The following NEDD4 variants were observed in gnomAD, a reference collection of about 807,000 sequenced individuals.
NEDD4 encodes the protein E3 ubiquitin-protein ligase NEDD4.
Under a neutral mutation model 144.9 loss-of-function variants are expected in NEDD4, and 99 were observed. The ratio of observed to expected loss-of-function variants is 0.68; its 90% CI spans 0.58 to 0.81. The LOEUF is 0.81. Among genes scored for constraint, NEDD4 ranks in the 30% least tolerant of loss-of-function variants. NEDD4 has a pLI of 0.00. For missense variants in NEDD4, 985 were observed against 1,065.9 expected, an observed-to-expected ratio of 0.92 and a Z score of 1.06; for synonymous variants, 318 against 350.6, an observed-to-expected ratio of 0.91 and a Z score of 1.04.
intron 5 of NEDD4, among the ~76,000 whole-genome samples, chr15:55,899,422 A>G (rs1322194631): frequency 6.6e-6 from 1 of 152,196 alleles, no homozygotes; most frequent in East Asian, 1.9e-4. Flanking sequence ...CCAGGGTTGA[A>G]AACTCATATG....
chr15:55,903,563 G>T (rs1401319970), intron 5 of NEDD4, among the ~76,000 whole-genome samples: 1 of 152,108 alleles, frequency 6.6e-6, no homozygotes, highest in African/African-American at 2.4e-5. Context: ...GGTGGCTCAC[G>T]CCTGTAATCC....
In NEDD4 at chr15:55,869,889, A is replaced by AAATC. The variant is rs146081341; in HGVS notation, c.405-209_405-208insGATT. ...TAAATAAATAAATAAATAAATAAATAAATAATTGTTATGACACAAAGAAGA... is the reference window on the plus strand; with the variant it reads ...TAAATAAATAAATAAATAAATAAATAAATCAATAATTGTTATGACACAAAGAAGA... On this transcript the variant is annotated intron_variant, in intron 7 of 28. Transcript: ENST00000435532. 2.0e-3 allele frequency among the ~76,000 whole-genome samples: 300 copies of AAATC among 149,974 alleles called. 1 individual carries two copies. The highest frequency in any genetic ancestry group is 2.8e-3 in the Non-Finnish European group (187 of 67,470).
chr15:55,830,652 T>C, intron 27 of NEDD4, 66 bp from the exon 28 acceptor site: 1 of 1,336,194 alleles, frequency 7.5e-7, no homozygotes, highest in Non-Finnish European at 1.1e-6. Context: ...ATCAAAACTT[T>C]TTCTAGTGTA....
At chr15:55,846,078 C>T (rs1406862061) in intron 18 of NEDD4, among the ~76,000 whole-genome samples, 2 of 152,036 alleles carry the variant, frequency 1.3e-5, no homozygotes, top group African/African-American at 4.8e-5. Flanking sequence ...TGAGCTACTG[C>T]ACCTGGCCCA....
rs1194112559 is a variant in NEDD4 at position 55,982,004 on chromosome 15, C to A, written c.45+11507G>T. ...ATCACTACTTTTAAGTGTGATAACA[C>A]CATATCTGTTTTTTATACACAAAGT... is the stretch of plus-strand genomic sequence containing the variant. On this transcript the variant is annotated intron_variant, in intron 1 of 28. Coordinates refer to ENST00000435532, the MANE Select transcript of NEDD4 (RefSeq NM_006154.4). Among the ~76,000 whole-genome samples, 21 of 152,146 alleles carry A rather than the reference C, an allele frequency of 1.4e-4. 1 individual carries two copies. The highest frequency in any genetic ancestry group is 3.4e-4 in the African/African-American group (14 of 41,436).
rs775523665 is a variant in NEDD4 at position 55,955,167 on chromosome 15, G to A, written c.120-3578C>T. 4.6e-5 allele frequency among the ~76,000 whole-genome samples: 7 copies of A among 152,064 alleles called. No individual in the cohort carries two copies. The East Asian group carries it at 5.8e-4, about 13-fold the overall frequency. On this transcript the variant is annotated intron_variant, in intron 2 of 28. Transcript: ENST00000435532. ...CTCCCAAGTAGCGGGGACTACAGGC[G>A]CACACCACCATGCCTGACTAATTGT...
At chr15:55,836,810 G>A (rs1419744288) in intron 24 of NEDD4, among the ~76,000 whole-genome samples, 1 of 151,958 alleles carries the variant, frequency 6.6e-6, no homozygotes, top group Non-Finnish European at 1.5e-5. Flanking sequence ...TCACAGGAAT[G>A]AGCCACCGCG....
chr15:55,926,889 A>T (rs2036678305), intron 4 of NEDD4, among the ~76,000 whole-genome samples: 1 of 152,052 alleles, frequency 6.6e-6, no homozygotes, highest in Non-Finnish European at 1.5e-5. Flanking sequence ...CAGCCTGGCC[A>T]ACAGGGTGAA....
rs1294651064 is a variant in NEDD4, at chr15:55,840,509, T to C, written c.1969A>G (p.Ile657Val). 1 of 1,613,890 alleles carries C rather than the reference T, an allele frequency of 6.2e-7. No individual in the cohort carries two copies. Among genetic ancestry groups the C allele is most frequent in the Non-Finnish European group, 8.5e-7 (1 of 1,179,924 alleles). ...YHGKLLDGFF[I>V]RPFYKMMLHK... ...AGCATCATCTTGTAAAATGGGCGGA[T>C]GAAAAAACCTTGCAAAAAACCAAAT... The change falls in exon 21 of 29, where the codon ATC (isoleucine) becomes GTC (valine). Residue 657 changes from isoleucine to valine, a missense_variant. Coordinates refer to ENST00000435532, the MANE Select transcript of NEDD4 (RefSeq NM_006154.4).
At chr15:55,909,602 G>A (rs1415294702) in intron 5 of NEDD4, among the ~76,000 whole-genome samples, 2 of 151,902 alleles carry the variant, frequency 1.3e-5, no homozygotes, top group South Asian at 2.1e-4. Context: ...TCAACACATC[G>A]CCTGGCCTCA....
chr15:55,896,688 T>C (rs1460476720), intron 5 of NEDD4, among the ~76,000 whole-genome samples: 1 of 152,180 alleles, frequency 6.6e-6, no homozygotes, highest in Non-Finnish European at 1.5e-5. Context: ...AGGGTATTTC[T>C]GGTATCATGG....
At chr15:55,936,594 A>G (rs2036893777) in intron 4 of NEDD4, among the ~76,000 whole-genome samples, 1 of 152,168 alleles carries the variant, frequency 6.6e-6, no homozygotes, top group Non-Finnish European at 1.5e-5. Flanking sequence ...CATTACATAA[A>G]TCTAATATAT....
chr15:55,971,028 A>G (rs1298781011), intron 1 of NEDD4, among the ~76,000 whole-genome samples: 3 of 152,172 alleles, frequency 2.0e-5, no homozygotes, highest in Non-Finnish European at 2.9e-5. Context: ...AAGCTCAATG[A>G]AATACAAGAA....
chr15:55,976,137 T>C (rs1184945727), intron 1 of NEDD4, among the ~76,000 whole-genome samples: 1 of 152,052 alleles, frequency 6.6e-6, no homozygotes, highest in Non-Finnish European at 1.5e-5. Flanking sequence ...AATCAAAACA[T>C]TGAGGAAACT....
At chr15:55,915,119 T>G (rs1277661073) in intron 5 of NEDD4, among the ~76,000 whole-genome samples, 3 of 152,154 alleles carry the variant, frequency 2.0e-5, no homozygotes, top group African/African-American at 7.2e-5. Context: ...AAACTATACA[T>G]AGAGTTCTTC....
chr15:55,852,659 G>GCT, intron 12 of NEDD4, 116 bp from the exon 13 acceptor site: 19 of 578,982 alleles, frequency 3.3e-5, no homozygotes, highest in South Asian at 5.0e-5. Context: ...CCACTCATCT[G>GCT]CTCTGTTACT....
chr15:55,909,404 T>C (rs1185434779), intron 5 of NEDD4, among the ~76,000 whole-genome samples: 1 of 152,250 alleles, frequency 6.6e-6, no homozygotes, highest in African/African-American at 2.4e-5. Flanking sequence ...ATCTCTTGTT[T>C]TGAAATTACT....
intron 4 of NEDD4, among the ~76,000 whole-genome samples, chr15:55,950,499 G>C (rs1274664245): frequency 6.6e-6 from 1 of 152,190 alleles, no homozygotes; most frequent in African/African-American, 2.4e-5. Flanking sequence ...AGCCTCCAGA[G>C]AGGCTGGTGT....
At position 55,951,558 on chromosome 15, in the gene NEDD4, G is replaced by C. The variant is rs536868404; in HGVS notation, c.151C>G (p.Pro51Ala). 1.3e-6 allele frequency: 2 copies of C among 1,524,704 alleles called. No homozygotes were observed. The highest frequency in any genetic ancestry group is 5.0e-5 in the East Asian group (2 of 40,218). The allele number at this position is 1,524,704 out of a possible 1,614,324, so 94.4% of individuals were successfully genotyped here. The change falls in exon 3 of 29, where the codon CCA (proline) becomes GCA (alanine). Residue 51 changes from proline (P) to alanine (A), a missense_variant. Coordinates refer to ENST00000435532, the MANE Select transcript of NEDD4 (RefSeq NM_006154.4). ...ACACTTGTAAGAACTCCATTCATTG[G>C]GTCATATAACGTCACTCTCACGTAA... ...DPYVRVTLYD[P>A]MNGVLTSVQT...
Sources: gnomAD v4.1 joint callset for allele counts (sites outside exome capture counted in the v4.1 genomes callset) on GRCh38, gnomAD v4.1.1 for gene constraint, MANE v1.5 for transcripts, NCBI Gene and HGNC (gene_info 2026-07-23, HGNC 2026-07-21) for gene names.